PCBP3: variants seen among roughly 807,000 people sequenced by gnomAD.
PCBP3 encodes poly(rC) binding protein 3.
PCBP3 carries 25 observed loss-of-function variants against 52.7 expected under a neutral mutation model. The observed-to-expected ratio is 0.47, with a 90% CI of 0.35 to 0.66. PCBP3 has a LOEUF of 0.66. Ranked by LOEUF, PCBP3 falls within the 30% of genes least tolerant of loss-of-function variation. The pLI, the probability that PCBP3 is intolerant of heterozygous loss-of-function variation, is 0.01. For synonymous variants in PCBP3, 162 were observed against 183.0 expected (o/e 0.89, Z 0.93); for missense variants, 391 against 490.3 (o/e 0.80, Z 1.91).
chr21:45,912,800 A>T lies in PCBP3; in HGVS notation c.601-1151A>T, dbSNP rs138499971. Among the ~76,000 whole-genome samples the T allele has an allele frequency of 5.8e-3, 885 of 152,140 alleles. 11 individuals carry two copies. The highest frequency in any genetic ancestry group is 0.046 in the East Asian group (237 of 5,166). On this transcript the variant is annotated intron_variant, in intron 11 of 17. Coordinates refer to ENST00000681687, the MANE Select transcript of PCBP3 (RefSeq NM_001384156.1). ...GGGAGGGCAGCAGCGGCTCCCGTCT[A>T]CCTCAGTCAGTTCCTCCCACCCCAG... is the stretch of plus-strand genomic sequence containing the variant.
At chr21:45,910,022 C>CCCCA (rs2096330637) in intron 10 of PCBP3, among the ~76,000 whole-genome samples, 1 of 74,222 alleles carries the variant, frequency 1.3e-5, no homozygotes, top group Non-Finnish European at 2.6e-5. Context: ...TGGACCTGGC[C>CCCCA]CACCCACTGC....
At chr21:45,812,201 G>A (rs2092703480) in intron 4 of PCBP3, among the ~76,000 whole-genome samples, 1 of 152,096 alleles carries the variant, frequency 6.6e-6, no homozygotes, top group South Asian at 2.1e-4. Context: ...GAAGGTATCT[G>A]GTACAGGTCT....
At chr21:45,932,013 C>T (rs1023791216) in intron 15 of PCBP3, among the ~76,000 whole-genome samples, 22 of 149,754 alleles carry the variant, frequency 1.5e-4, no homozygotes, top group South Asian at 2.1e-4. Flanking sequence ...ATGAACATGT[C>T]GGCCGTGCCG....
intron 2 of PCBP3, among the ~76,000 whole-genome samples, chr21:45,686,762 A>G (rs1008301765): frequency 6.6e-6 from 1 of 152,204 alleles, no homozygotes; most frequent in Non-Finnish European, 1.5e-5. Flanking sequence ...CAGAAATGAA[A>G]ACTTTAATAA....
At chr21:45,756,120 A>G (rs1240827780) in intron 4 of PCBP3, among the ~76,000 whole-genome samples, 2 of 152,204 alleles carry the variant, frequency 1.3e-5, no homozygotes, top group African/African-American at 4.8e-5. Flanking sequence ...TTAAGAATAT[A>G]TAGTGCAAGA....
At chr21:45,843,899 C>G (rs976127459) in intron 4 of PCBP3, among the ~76,000 whole-genome samples, 1 of 152,060 alleles carries the variant, frequency 6.6e-6, no homozygotes, top group African/African-American at 2.4e-5. Context: ...GTTGTTTGTG[C>G]TGTTAATATA....
intron 2 of PCBP3, among the ~76,000 whole-genome samples, chr21:45,723,241 C>T (rs538528990): frequency 4.0e-4 from 61 of 152,284 alleles, no homozygotes; most frequent in Non-Finnish European, 8.5e-4. Flanking sequence ...CTGCCGTCTG[C>T]GGCCTAGTGG....
At chr21:45,839,120 G>C (rs1048243603) in intron 4 of PCBP3, among the ~76,000 whole-genome samples, 2 of 151,908 alleles carry the variant, frequency 1.3e-5, no homozygotes, top group African/African-American at 4.8e-5. Flanking sequence ...AGGAAGGTTT[G>C]TATTTTTTTT....
intron 5 of PCBP3, among the ~76,000 whole-genome samples, chr21:45,877,266 C>T (rs549772089): frequency 3.9e-5 from 6 of 152,274 alleles, no homozygotes; most frequent in African/African-American, 1.2e-4. Context: ...TGTGTCACCT[C>T]GTGTAAAACG....
intron 4 of PCBP3, among the ~76,000 whole-genome samples, chr21:45,767,247 A>C (rs2089431357): frequency 6.6e-6 from 1 of 151,734 alleles, no homozygotes; most frequent in Admixed American, 6.6e-5. Context: ...GGCAGCCACT[A>C]GTCTAATTTC....
chr21:45,878,482 G>A (rs1354625325), intron 5 of PCBP3, among the ~76,000 whole-genome samples: 3 of 152,248 alleles, frequency 2.0e-5, no homozygotes, highest in Non-Finnish European at 4.4e-5. Flanking sequence ...GGCACTGCCT[G>A]CCCTCTCTAC....
intron 1 of PCBP3, among the ~76,000 whole-genome samples, chr21:45,646,981 G>A (rs1484686464): frequency 6.6e-6 from 1 of 152,056 alleles, no homozygotes; most frequent in African/African-American, 2.4e-5. Context: ...GGACATCTTT[G>A]TAAATCATTT....
intron 4 of PCBP3, among the ~76,000 whole-genome samples, chr21:45,796,327 C>T (rs2091919206): frequency 6.6e-6 from 1 of 152,186 alleles, no homozygotes; most frequent in Non-Finnish European, 1.5e-5. Context: ...ATCCAACCTG[C>T]ACTTAGTTTT....
intron 2 of PCBP3, among the ~76,000 whole-genome samples, chr21:45,716,239 C>A (rs2084211292): frequency 2.0e-5 from 3 of 152,018 alleles, no homozygotes; most frequent in South Asian, 4.1e-4. Flanking sequence ...TAGTGTTTCT[C>A]CATTGAATTG....
intron 10 of PCBP3, 27 bp from the exon 11 acceptor site, chr21:45,910,875 C>T: frequency 1.3e-6 from 2 of 1,575,748 alleles, no homozygotes; most frequent in African/African-American, 1.3e-5. Flanking sequence ...TACCCTGGTG[C>T]TCCCTTCCAA....
At chr21:45,878,933 C>G (rs1196162090) in intron 5 of PCBP3, among the ~76,000 whole-genome samples, 1 of 152,166 alleles carries the variant, frequency 6.6e-6, no homozygotes, top group East Asian at 1.9e-4. Context: ...GGTGAGCCCT[C>G]TCAAAATGAA....
chr21:45,733,016 T>C (rs2145800592), intron 2 of PCBP3, among the ~76,000 whole-genome samples: 1 of 152,336 alleles, frequency 6.6e-6, no homozygotes, highest in East Asian at 1.9e-4. Flanking sequence ...ATTTTTGTCT[T>C]TTGGGAGTAG....
rs1335398688 is a variant in PCBP3 at position 45,805,413 on chromosome 21, C to T, written c.-125-44548C>T. Among the ~76,000 whole-genome samples, 5 of 151,988 alleles carry T rather than the reference C, an allele frequency of 3.3e-5. No homozygotes were observed. The highest frequency in any genetic ancestry group is 5.9e-5 in the Non-Finnish European group (4 of 67,998). On this transcript the variant is annotated intron_variant, in intron 4 of 17. Coordinates refer to ENST00000681687, the MANE Select transcript of PCBP3 (RefSeq NM_001384156.1). The surrounding 1 kb of genome is among the most constrained non-coding windows in gnomAD (Gnocchi z 4.6). ...TGCCCACCTGCCCTGTGTGCTGGGC[C>T]GTGCGGAGGTGGCCATGGGCAGCCC...
chr21:45,720,902 A>G (rs2084583707), intron 2 of PCBP3, among the ~76,000 whole-genome samples: 1 of 152,362 alleles, frequency 6.6e-6, no homozygotes, highest in African/African-American at 2.4e-5. Flanking sequence ...AAACTTAAAC[A>G]AGAATATTAC....
Sources: gnomAD v4.1 joint callset for allele counts (sites outside exome capture counted in the v4.1 genomes callset) on GRCh38, gnomAD v4.1.1 for gene constraint, Gnocchi (gnomAD v3.1) non-coding constraint, MANE v1.5 for transcripts, NCBI Gene and HGNC (gene_info 2026-07-23, HGNC 2026-07-21) for gene names.